Variants in TBC1D24 observed in about 807,000 individuals in gnomAD.
TBC1D24 encodes Infantile myoclonic epilepsy.
TBC1D24 carries 47 observed loss-of-function variants against 50.7 expected under a neutral mutation model. That is an observed-to-expected ratio of 0.93 (90% CI 0.73 to 1.18). TBC1D24 has a LOEUF of 1.18. Ranked by LOEUF, TBC1D24 falls within the 50% of genes most tolerant of loss-of-function variation. The probability of loss-of-function intolerance (pLI) is 0.00; values close to 1 mark genes in which losing one functional copy is unlikely to be tolerated. For synonymous variants in TBC1D24, 324 were observed against 335.2 expected (o/e 0.97, Z 0.36); for missense variants, 688 against 766.5 (o/e 0.90, Z 1.21).
intron 1 of TBC1D24, chr16:2,480,503 C>T (rs1046372224): frequency 6.6e-6 from 1 of 152,070 alleles, no homozygotes; most frequent in Non-Finnish European, 1.5e-5. Context: ...ACAGATTTCC[C>T]ACAATCCGAG....
At chr16:2,490,018 G>A (rs193018220) in intron 1 of TBC1D24, among the ~76,000 whole-genome samples, 1 of 152,160 alleles carries the variant, frequency 6.6e-6, no homozygotes, top group African/African-American at 2.4e-5. Flanking sequence ...CACCTACTCT[G>A]CTGGTGTCTG....
At position 2,500,767 on chromosome 16, in the gene TBC1D24, GGGCAGTCAGGCC is replaced by G; in HGVS notation, c.1526-35_1526-24del. 1 of 1,582,196 alleles carries G rather than the reference GGGCAGTCAGGCC, an allele frequency of 6.3e-7. No homozygotes were observed. The highest frequency in any genetic ancestry group is 1.3e-5 in the African/African-American group (1 of 74,722). On this transcript the variant is annotated intron_variant, in intron 7 of 7. Coordinates refer to ENST00000646147, the MANE Select transcript of TBC1D24 (RefSeq NM_001199107.2). This position sits in a 1 kb window ranked among gnomAD's most constrained non-coding sequence, Gnocchi z 8.0. ...TGAGGTGCCTGGGTCAGTGCTGATAGGGCAGTCAGGCCGCCACTGACCTGAGCATCCTGCAGG... is the reference window on the plus strand; with the variant it reads ...TGAGGTGCCTGGGTCAGTGCTGATAGGCCACTGACCTGAGCATCCTGCAGG...
Position 2,486,595 on chromosome 16 carries a change from G to C in TBC1D24, c.-115-9439G>C, listed in dbSNP as rs140710336. On this transcript the variant is annotated intron_variant, in intron 1 of 7. Coordinates refer to ENST00000646147, the MANE Select transcript of TBC1D24 (RefSeq NM_001199107.2). This position sits in a 1 kb window ranked among gnomAD's most constrained non-coding sequence, Gnocchi z 5.8. ...GGAGTCCTAGCGAACACTGACCTAC[G>C]TTGGGACAGGGCTGCCTCTTGCCCA... Among the ~76,000 whole-genome samples the C allele has an allele frequency of 2.6e-5, 4 of 152,218 alleles. No homozygotes were observed. Among genetic ancestry groups the C allele is most frequent in the African/African-American group, 4.8e-5 (2 of 41,460 alleles).
chr16:2,481,251 A>G (rs564984800), intron 1 of TBC1D24: 1 of 152,366 alleles, frequency 6.6e-6, no homozygotes, highest in African/African-American at 2.4e-5. Context: ...AATGCCTATT[A>G]AAATGATTAG....
chr16:2,489,986 C>T (rs1441520253), intron 1 of TBC1D24, among the ~76,000 whole-genome samples: 2 of 152,228 alleles, frequency 1.3e-5, no homozygotes, highest in African/African-American at 4.8e-5. Flanking sequence ...GCGCAGCCAG[C>T]CTGTTCCTCC....
At position 2,501,021 on chromosome 16, in the gene TBC1D24, G is replaced by A. The variant is rs1053122382; in HGVS notation, c.*63G>A. 1.5e-5 allele frequency: 24 copies of A among 1,590,908 alleles called. No individual in the cohort carries two copies. The highest frequency in any genetic ancestry group is 1.9e-5 in the Non-Finnish European group (22 of 1,173,242). ...TGGGCCGAGGCTGGGCTGCCGCCTC[G>A]GGCAGCAGAGAGCAGATGAAACCCC... On this transcript the variant is annotated 3_prime_UTR_variant, in exon 8 of 8. Transcript: ENST00000646147.
Position 2,499,362 on chromosome 16 carries a change from A to T in TBC1D24, c.1148A>T (p.Tyr383Phe), listed in dbSNP as rs1362811406. 8 of 1,613,098 alleles carry T rather than the reference A, an allele frequency of 5.0e-6. No individual in the cohort carries two copies. Among genetic ancestry groups the T allele is most frequent in the Non-Finnish European group, 6.8e-6 (8 of 1,179,708 alleles). ...LQHGYSLARF[Y>F]FQCEGHEPTL... Reference sequence around the variant, plus strand: ...CATGCGTGTCTCTACGCCAGGTTCTACTTCCAGTGTGAAGGACATGAGCCT... The same window carrying T: ...CATGCGTGTCTCTACGCCAGGTTCTTCTTCCAGTGTGAAGGACATGAGCCT... Residue 383 changes from tyrosine to phenylalanine, a missense_variant, in exon 5 of 8, where the codon TAC becomes TTC. Tyr to Phe is a conservative substitution (Grantham distance 22). Transcript: ENST00000646147. The surrounding 1 kb of genome is among the most constrained non-coding windows in gnomAD (Gnocchi z 4.0).
intron 1 of TBC1D24, among the ~76,000 whole-genome samples, chr16:2,493,417 G>C (rs147273170): frequency 2.5e-3 from 380 of 152,258 alleles, no homozygotes; most frequent in African/African-American, 8.4e-3. Flanking sequence ...GGGATTACAG[G>C]CGTGAGCCAC....
chr16:2,476,207 C>A (rs986768344), intron 1 of TBC1D24, among the ~76,000 whole-genome samples: 1 of 152,240 alleles, frequency 6.6e-6, no homozygotes, highest in Non-Finnish European at 1.5e-5. Context: ...TGGGCCGTTT[C>A]CTCCACCCGA....
Position 2,475,542 on chromosome 16 carries a change from G to C in TBC1D24, c.-116+372G>C, listed in dbSNP as rs1295471579. Among the ~76,000 whole-genome samples the C allele has an allele frequency of 6.6e-6, 1 of 152,084 alleles. No homozygotes were observed. Among genetic ancestry groups the C allele is most frequent in the Admixed American group, 6.5e-5 (1 of 15,286 alleles). Reference sequence around the variant, plus strand: ...TCCGCAGGGTCGGAAATCCTCTTGGGGGCTCGGTGAGATTGCAACAGATTC... The same window carrying C: ...TCCGCAGGGTCGGAAATCCTCTTGGCGGCTCGGTGAGATTGCAACAGATTC... On this transcript the variant is annotated intron_variant, in intron 1 of 7. Coordinates refer to ENST00000646147, the MANE Select transcript of TBC1D24 (RefSeq NM_001199107.2). This position sits in a 1 kb window ranked among gnomAD's most constrained non-coding sequence, Gnocchi z 4.2.
chr16:2,497,985 G>A (rs961892233), intron 3 of TBC1D24, among the ~76,000 whole-genome samples: 7 of 152,218 alleles, frequency 4.6e-5, no homozygotes, highest in African/African-American at 1.7e-4. Flanking sequence ...TCTCTGTCCT[G>A]ATTTCTTAGA....
chr16:2,496,223 G>T lies in TBC1D24; in HGVS notation c.75G>T (p.Lys25Asn). 2 of 1,613,940 alleles carry T rather than the reference G, an allele frequency of 1.2e-6. No individual in the cohort carries two copies. Among genetic ancestry groups the T allele is most frequent in the South Asian group, 2.2e-5 (2 of 91,092 alleles). ...MDAAIQDLGPKELSCTELQEL... is the reference protein window; with the variant it reads ...MDAAIQDLGPNELSCTELQEL... ...CTGCCATCCAGGACCTGGGGCCCAA[G>T]GAGCTGAGCTGCACTGAACTGCAGG... Residue 25 changes from lysine (K) to asparagine (N), a missense_variant, in exon 2 of 8, where the codon AAG becomes AAT. Physicochemically the swap from Lys to Asn is moderately conservative, Grantham distance 94. Coordinates refer to ENST00000646147, the MANE Select transcript of TBC1D24 (RefSeq NM_001199107.2).
In TBC1D24 at chr16:2,499,064, C is replaced by T. The variant is rs1323418033; in HGVS notation, c.1143-293C>T. Among the ~76,000 whole-genome samples the T allele has an allele frequency of 2.0e-5, 3 of 152,230 alleles. No individual in the cohort carries two copies. The highest frequency in any genetic ancestry group is 4.8e-5 in the African/African-American group (2 of 41,458). On this transcript the variant is annotated intron_variant, in intron 4 of 7. Transcript: ENST00000646147. This position sits in a 1 kb window ranked among gnomAD's most constrained non-coding sequence, Gnocchi z 4.0. Reference sequence around the variant, plus strand: ...GCGAGGATGGCCCAAACCTCCCCACCGCAGGGACCTGTTCCTCTGGTTCCT... The same window carrying T: ...GCGAGGATGGCCCAAACCTCCCCACTGCAGGGACCTGTTCCTCTGGTTCCT...
rs190900684 is a variant in TBC1D24, at chr16:2,482,484, T to G, written c.-116+7314T>G. Among the ~76,000 whole-genome samples, 324 of 152,254 alleles carry G rather than the reference T, an allele frequency of 2.1e-3. 2 individuals carry two copies. Among genetic ancestry groups the G allele is most frequent in the Middle Eastern group, 6.8e-3 (2 of 294 alleles). ...TCTCCTGCCACTCTGAACAGTGACA[T>G]TCCCACAGTGTAGTGTGGGGACTGC... On this transcript the variant is annotated intron_variant, in intron 1 of 7. Coordinates refer to ENST00000646147, the MANE Select transcript of TBC1D24 (RefSeq NM_001199107.2). The surrounding 1 kb of genome is among the most constrained non-coding windows in gnomAD (Gnocchi z 5.2).
At chr16:2,484,644 A>G (rs1423796010) in intron 1 of TBC1D24, 3 of 152,330 alleles carry the variant, frequency 2.0e-5, no homozygotes, top group Admixed American at 1.3e-4. Context: ...AAGAACGGGT[A>G]CACCTGAGTG....
intron 1 of TBC1D24, among the ~76,000 whole-genome samples, chr16:2,489,482 A>G (rs2065679175): frequency 6.6e-6 from 1 of 152,196 alleles, no homozygotes; most frequent in Non-Finnish European, 1.5e-5. Flanking sequence ...ACAAATGAAT[A>G]CAAACATTTG....
At chr16:2,498,445 G>A in intron 4 of TBC1D24, 49 bp downstream of exon 4, 2 of 1,546,142 alleles carry the variant, frequency 1.3e-6, no homozygotes, top group Non-Finnish European at 1.8e-6. Context: ...CCAGCCACGT[G>A]TCCTGCCCAC....
At chr16:2,492,876 T>G (rs1281878776) in intron 1 of TBC1D24, among the ~76,000 whole-genome samples, 1 of 152,060 alleles carries the variant, frequency 6.6e-6, no homozygotes, top group Non-Finnish European at 1.5e-5. Flanking sequence ...GCGGATCACC[T>G]GAGGTCGGGA....
In TBC1D24 at chr16:2,487,160, G is replaced by A. The variant is rs913133398; in HGVS notation, c.-115-8874G>A. 3.3e-5 allele frequency among the ~76,000 whole-genome samples: 5 copies of A among 152,192 alleles called. No individual in the cohort carries two copies. The highest frequency in any genetic ancestry group is 4.8e-5 in the African/African-American group (2 of 41,452). On this transcript the variant is annotated intron_variant, in intron 1 of 7. Coordinates refer to ENST00000646147, the MANE Select transcript of TBC1D24 (RefSeq NM_001199107.2). The surrounding 1 kb of genome is among the most constrained non-coding windows in gnomAD (Gnocchi z 4.1). ...CTTGCCTCCACATCTGAGGGGCACCGTCCCCACCCACAGGCTGCCTCCACA... is the reference window on the plus strand; with the variant it reads ...CTTGCCTCCACATCTGAGGGGCACCATCCCCACCCACAGGCTGCCTCCACA...
Sources: gnomAD v4.1 joint callset for allele counts (sites outside exome capture counted in the v4.1 genomes callset) on GRCh38, gnomAD v4.1.1 for gene constraint, Gnocchi (gnomAD v3.1) non-coding constraint, MANE v1.5 for transcripts, NCBI Gene and HGNC (gene_info 2026-07-23, HGNC 2026-07-21) for gene names.